Variants in CDC42SE2 observed in about 807,000 individuals in gnomAD.
The protein encoded by CDC42SE2 is CDC42 small effector 2, also known as CDC42 small effector protein 2.
A neutral mutation model predicts 11.5 loss-of-function variants in CDC42SE2; 3 were observed. The ratio of observed to expected loss-of-function variants is 0.26; its 90% CI spans 0.12 to 0.67. The LOEUF (loss-of-function observed/expected upper bound fraction) is 0.67, where lower values mean the gene tolerates loss of function less well. Among genes scored for constraint, CDC42SE2 ranks in the 30% least tolerant of loss-of-function variants. The probability of loss-of-function intolerance (pLI) is 0.80; values close to 1 mark genes in which losing one functional copy is unlikely to be tolerated. For missense variants in CDC42SE2, 82 were observed against 106.8 expected (o/e 0.77, Z 1.02); for synonymous variants, 33 against 34.8 (o/e 0.95, Z 0.18).
chr5:131,233,445 G>A, the CDC42SE2 span, among the ~76,000 whole-genome samples: 4 of 152,114 alleles, frequency 2.6e-5, no homozygotes, highest in East Asian at 1.9e-4. Flanking sequence ...TTGGCTCACC[G>A]CAACCTCCGC....
chr5:131,322,720 A>G (rs1324736535), intron 2 of CDC42SE2, among the ~76,000 whole-genome samples: 2 of 151,934 alleles, frequency 1.3e-5, no homozygotes, highest in African/African-American at 2.4e-5. Flanking sequence ...GGTTGCTTCT[A>G]CCTCTTGGCT....
intron 1 of CDC42SE2, among the ~76,000 whole-genome samples, chr5:131,276,852 C>G (rs528582795): frequency 6.6e-6 from 1 of 151,992 alleles, no homozygotes; most frequent in Admixed American, 6.6e-5. Context: ...TTCAGCCTCC[C>G]TAGTAGCTGG....
chr5:131,352,927 T>C (rs1749390568), intron 2 of CDC42SE2, among the ~76,000 whole-genome samples: 1 of 152,204 alleles, frequency 6.6e-6, no homozygotes, highest in African/African-American at 2.4e-5. Context: ...GTTTTGCATT[T>C]CCACTTCTGA....
rs1161660982 is a variant in CDC42SE2, at chr5:131,393,474, T to TTAA, written c.*2387_*2389dup. 2.0e-5 allele frequency: 3 copies of TTAA among 152,386 alleles called. No homozygotes were observed. The highest frequency in any genetic ancestry group is 6.5e-5 in the Admixed American group (1 of 15,284). 9.4% of individuals were successfully genotyped at this position (152,386 alleles called of 1,614,324 possible). A position where few individuals can be genotyped will look rare whatever the true frequency, so the allele number is the denominator to read the frequency against. Reference sequence around the variant, plus strand: ...TCGGAGTAGACATTTTGCAGTTTGTTTAATAACAACTTCTAAAGTAAGTTG... The same window carrying TTAA: ...TCGGAGTAGACATTTTGCAGTTTGTTTAATAATAACAACTTCTAAAGTAAGTTG... On this transcript the variant is annotated 3_prime_UTR_variant, in exon 5 of 5. Coordinates refer to ENST00000505065, the MANE Select transcript of CDC42SE2 (RefSeq NM_001375635.1).
chr5:131,337,914 T>TCCGGGGTG (rs943724170), intron 2 of CDC42SE2, among the ~76,000 whole-genome samples: 1 of 152,218 alleles, frequency 6.6e-6, no homozygotes, highest in Non-Finnish European at 1.5e-5. Flanking sequence ...CCCTTGCACT[T>TCCGGGGTG]CCGGGGTGAG....
chr5:131,384,227 CAA>C (rs1750408275), intron 3 of CDC42SE2, among the ~76,000 whole-genome samples: 1 of 152,088 alleles, frequency 6.6e-6, no homozygotes. Flanking sequence ...CTATCTATGA[CAA>C]TATAAACGAG....
chr5:131,367,440 A>G (rs915984451), intron 3 of CDC42SE2, among the ~76,000 whole-genome samples: 1 of 152,214 alleles, frequency 6.6e-6, no homozygotes, highest in African/African-American at 2.4e-5. Flanking sequence ...TTATTTTGCA[A>G]AGGGATAACT....
chr5:131,387,906 T>C (rs1750534200), intron 4 of CDC42SE2, among the ~76,000 whole-genome samples: 1 of 152,216 alleles, frequency 6.6e-6, no homozygotes, highest in East Asian at 1.9e-4. Context: ...AGTTATTTCG[T>C]ATTTGAGTTT....
intron 4 of CDC42SE2, among the ~76,000 whole-genome samples, chr5:131,387,304 T>TTTGGG (rs1750516107): frequency 6.6e-6 from 1 of 152,168 alleles, no homozygotes; most frequent in Admixed American, 6.5e-5. Context: ...ATCCCAGTAC[T>TTTGGG]TTGGGAGGCT....
chr5:131,324,573 G>A lies in CDC42SE2; in HGVS notation c.-286+8429G>A, dbSNP rs77428431. ...GGGCAGCATTCCAGAAATCAGGGCA[G>A]GCACTGGTCTCATGTGGGACTGAGC... On this transcript the variant is annotated intron_variant, in intron 2 of 4. Coordinates refer to ENST00000505065, the MANE Select transcript of CDC42SE2 (RefSeq NM_001375635.1). Among the ~76,000 whole-genome samples, 208 of 152,290 alleles carry A rather than the reference G, an allele frequency of 1.4e-3. 2 individuals are homozygous for A. The East Asian group carries it at 0.024, about 18-fold the overall frequency.
chr5:131,222,650 G>C, the CDC42SE2 span, among the ~76,000 whole-genome samples: 3 of 152,206 alleles, frequency 2.0e-5, no homozygotes, highest in Admixed American at 2.0e-4. Context: ...TGTCAGCTGA[G>C]TTCCCTACAA....
intron 1 of CDC42SE2, among the ~76,000 whole-genome samples, chr5:131,280,629 A>G (rs1757219430): frequency 6.6e-6 from 1 of 152,178 alleles, no homozygotes. Context: ...ACCATTGCAC[A>G]ATAGCCTGAT....
At chr5:131,367,187 AT>A (rs1749886634) in intron 3 of CDC42SE2, among the ~76,000 whole-genome samples, 2 of 151,952 alleles carry the variant, frequency 1.3e-5, no homozygotes, top group African/African-American at 4.8e-5. Flanking sequence ...TATATATATC[AT>A]GTAATGATGC....
chr5:131,311,723 A>C (rs552196433), intron 1 of CDC42SE2, among the ~76,000 whole-genome samples: 6 of 152,176 alleles, frequency 3.9e-5, no homozygotes, highest in South Asian at 4.2e-4. Context: ...CCTTTCTTCC[A>C]GTTGATCACA....
At chr5:131,307,553 A>G (rs1461080178) in intron 1 of CDC42SE2, among the ~76,000 whole-genome samples, 4 of 152,172 alleles carry the variant, frequency 2.6e-5, no homozygotes, top group African/African-American at 9.7e-5. Flanking sequence ...TTATAGCAGC[A>G]TGATTTATAA....
intron 1 of CDC42SE2, among the ~76,000 whole-genome samples, chr5:131,301,447 G>T (rs997406996): frequency 6.6e-6 from 1 of 151,986 alleles, no homozygotes; most frequent in African/African-American, 2.4e-5. Flanking sequence ...TAAATATGTA[G>T]AATTATATTT....
chr5:131,309,100 A>T (rs1053848884), intron 1 of CDC42SE2, among the ~76,000 whole-genome samples: 8 of 152,118 alleles, frequency 5.3e-5, no homozygotes, highest in African/African-American at 1.9e-4. Flanking sequence ...GATAGCTCTT[A>T]TTCTTTTGAA....
At chr5:131,218,362 A>G in the CDC42SE2 span, among the ~76,000 whole-genome samples, 1 of 152,168 alleles carries the variant, frequency 6.6e-6, no homozygotes, top group Admixed American at 6.6e-5. Context: ...CATGCCCCCC[A>G]AAATGACTAA....
chr5:131,306,698 A>G (rs1374649933), intron 1 of CDC42SE2, among the ~76,000 whole-genome samples: 3 of 152,054 alleles, frequency 2.0e-5, no homozygotes, highest in African/African-American at 7.3e-5. Context: ...GCATTTTAAC[A>G]ACATTAAAGA....
Sources: gnomAD v4.1 joint callset for allele counts (sites outside exome capture counted in the v4.1 genomes callset) on GRCh38, gnomAD v4.1.1 for gene constraint, MANE v1.5 for transcripts, NCBI Gene and HGNC (gene_info 2026-07-23, HGNC 2026-07-21) for gene names.